Variants in OR51B5 observed in about 807,000 individuals in gnomAD.
OR51B5 encodes olfactory receptor 51B5.
For missense variants in OR51B5, 456 were observed against 374.6 expected (o/e 1.22, Z -1.79); for synonymous variants, 186 against 144.8 (o/e 1.28, Z -2.04).
intron 1 of OR51B5, chr11:5,352,100 T>C (rs1394549794): frequency 6.2e-7 from 1 of 1,614,104 alleles, no homozygotes; most frequent in Non-Finnish European, 8.5e-7. Flanking sequence ...CTCTATCCAG[T>C]TGTAGTTTTA....
intron 1 of OR51B5, among the ~76,000 whole-genome samples, chr11:5,396,219 G>C (rs932326299): frequency 6.7e-6 from 1 of 148,512 alleles, no homozygotes; most frequent in Non-Finnish European, 1.5e-5. Context: ...GTTCTGGCCC[G>C]GGCAATCGGG....
At chr11:5,491,993 T>C (rs1321997590) in intron 1 of OR51B5, among the ~76,000 whole-genome samples, 2 of 152,208 alleles carry the variant, frequency 1.3e-5, no homozygotes, top group Non-Finnish European at 2.9e-5. Flanking sequence ...TCAGTGCAAC[T>C]GCCAAATTGC....
intron 1 of OR51B5, among the ~76,000 whole-genome samples, chr11:5,438,247 G>A (rs1405471290): frequency 6.6e-6 from 1 of 150,920 alleles, no homozygotes; most frequent in Non-Finnish European, 1.5e-5. Flanking sequence ...AGCATGAAGG[G>A]GAACAAACCT....
chr11:5,402,862 T>C (rs1489389759), intron 1 of OR51B5: 3 of 471,524 alleles, frequency 6.4e-6, no homozygotes, highest in South Asian at 3.1e-5. Context: ...GGCATATTCC[T>C]TTTTGGAAAT....
intron 1 of OR51B5, among the ~76,000 whole-genome samples, chr11:5,408,350 C>A (rs549033510): frequency 3.0e-5 from 3 of 99,524 alleles, no homozygotes; most frequent in South Asian, 7.0e-4. Context: ...TTCCCTTCCT[C>A]CCTTCCTCCC....
At chr11:5,347,613 C>A (rs1849012929), upstream of OR51B5, among the ~76,000 whole-genome samples, 1 of 152,024 alleles carries the variant, frequency 6.6e-6, no homozygotes, top group Non-Finnish European at 1.5e-5. Context: ...CAGCAAGAGC[C>A]AAAGCCACAA....
At chr11:5,459,726 AAG>A in intron 1 of OR51B5, among the ~76,000 whole-genome samples, 1 of 152,310 alleles carries the variant, frequency 6.6e-6, no homozygotes. Flanking sequence ...AAAGTCAAAA[AAG>A]AACAGATGCT....
chr11:5,462,248 T>C (rs1283320605), intron 1 of OR51B5, among the ~76,000 whole-genome samples: 1 of 152,202 alleles, frequency 6.6e-6, no homozygotes, highest in Non-Finnish European at 1.5e-5. Flanking sequence ...ATTCTTGCTC[T>C]CTCTGTTTCA....
At chr11:5,354,618 C>T (rs1849157863) in intron 1 of OR51B5, 1 of 158,406 alleles carries the variant, frequency 6.3e-6, no homozygotes, top group Non-Finnish European at 1.4e-5. Flanking sequence ...ATGATCCTCC[C>T]CACTTCCTCC....
chr11:5,438,991 C>T (rs1434117722), intron 1 of OR51B5, among the ~76,000 whole-genome samples: 1 of 152,074 alleles, frequency 6.6e-6, no homozygotes, highest in South Asian at 2.1e-4. Context: ...GAAAAGTCTC[C>T]GAAGACTTCC....
intron 1 of OR51B5, among the ~76,000 whole-genome samples, chr11:5,380,238 T>C (rs180746892): frequency 1.3e-5 from 2 of 152,302 alleles, no homozygotes; most frequent in East Asian, 3.9e-4. Flanking sequence ...GAGACTTCTC[T>C]GTAAACCTTC....
intron 1 of OR51B5, among the ~76,000 whole-genome samples, chr11:5,411,943 G>C (rs997960732): frequency 6.6e-5 from 10 of 152,182 alleles, no homozygotes; most frequent in African/African-American, 2.2e-4. Context: ...GAGAAAGCAA[G>C]GTGGTCCAGC....
intron 1 of OR51B5, among the ~76,000 whole-genome samples, chr11:5,400,330 A>G (rs895146526): frequency 3.9e-5 from 6 of 152,218 alleles, no homozygotes; most frequent in South Asian, 2.1e-4. Context: ...CAAAAATATG[A>G]AAAAATAAAT....
At chr11:5,386,656 G>A (rs1325657576) in intron 1 of OR51B5, among the ~76,000 whole-genome samples, 4 of 144,404 alleles carry the variant, frequency 2.8e-5, no homozygotes, top group Admixed American at 2.7e-4. Context: ...TGCAGTAGAG[G>A]ATGGACCAAG....
intron 1 of OR51B5, chr11:5,362,861 T>TAA (rs1849306101): frequency 1.1e-5 from 2 of 185,748 alleles, no homozygotes; most frequent in Admixed American, 1.2e-4. Context: ...TGCCCAAGAG[T>TAA]AACAACCAGG....
At chr11:5,471,900 A>T (rs999596369) in intron 1 of OR51B5, among the ~76,000 whole-genome samples, 1 of 152,190 alleles carries the variant, frequency 6.6e-6, no homozygotes, top group Non-Finnish European at 1.5e-5. Context: ...TCCCGGCACA[A>T]GATGTACTGA....
At chr11:5,376,109 T>A (rs1460399498) in intron 1 of OR51B5, among the ~76,000 whole-genome samples, 2 of 152,040 alleles carry the variant, frequency 1.3e-5, no homozygotes, top group East Asian at 3.9e-4. Flanking sequence ...TATAACAAAC[T>A]GTCTCTCAGA....
chr11:5,480,547 C>CA (rs1320146229), intron 1 of OR51B5, among the ~76,000 whole-genome samples: 3 of 150,766 alleles, frequency 2.0e-5, no homozygotes, highest in East Asian at 3.9e-4. Context: ...AAAAACCCTT[C>CA]AAAAAATCAA....
intron 1 of OR51B5, chr11:5,453,548 G>A (rs867332360): frequency 6.2e-7 from 1 of 1,606,956 alleles, no homozygotes; most frequent in Non-Finnish European, 8.5e-7. Flanking sequence ...TCCCTGGTCT[G>A]GAGAGCTCTC....
Sources: allele counts gnomAD v4.1 joint callset (sites outside exome capture counted in the v4.1 genomes callset), GRCh38; gene constraint gnomAD v4.1.1; transcripts MANE v1.5; gene names NCBI Gene and HGNC (gene_info 2026-07-23, HGNC 2026-07-21).